The following FAM47E variants were observed in gnomAD, a reference collection of about 807,000 sequenced individuals.
FAM47E encodes the protein family with sequence similarity 47 member E, also known as protein FAM47E.
A neutral mutation model predicts 41.6 loss-of-function variants in FAM47E; 32 were observed. The ratio of observed to expected loss-of-function variants is 0.77; its 90% CI spans 0.58 to 1.03. FAM47E has a LOEUF of 1.03. Among genes scored for constraint, FAM47E ranks in the 50% least tolerant of loss-of-function variants. The probability of loss-of-function intolerance (pLI) is 0.00; values close to 1 mark genes in which losing one functional copy is unlikely to be tolerated. For synonymous variants in FAM47E, 184 were observed against 188.7 expected, an observed-to-expected ratio of 0.98 and a Z score of 0.20; for missense variants, 424 against 485.4, an observed-to-expected ratio of 0.87 and a Z score of 1.19.
rs147055459 is a variant in FAM47E at position 76,252,246 on chromosome 4, G to T, written c.74+426G>T. Among the ~76,000 whole-genome samples, 39 of 152,188 alleles carry T rather than the reference G, an allele frequency of 2.6e-4. No homozygotes were observed. In the East Asian group the frequency reaches 6.6e-3, roughly 26 times the overall value. On this transcript the variant is annotated intron_variant, in intron 1 of 7. Transcript: ENST00000424749. The stretch of plus-strand genomic sequence containing the variant: ...CTGCCCCTGGAGCCTTTGGTATCCA[G>T]ATGGCGGCTGTGGCCAAGTGGAGCC...
intron 7 of FAM47E, chr4:76,281,537 C>T (rs980509286): frequency 3.3e-5 from 5 of 151,580 alleles, no homozygotes; most frequent in African/African-American, 9.7e-5. Flanking sequence ...TATGTGTTTA[C>T]GAGTCCATAT....
At chr4:76,222,238 T>C (rs957096382) in intron 2 of FAM47E, among the ~76,000 whole-genome samples, 1 of 152,034 alleles carries the variant, frequency 6.6e-6, no homozygotes, top group Non-Finnish European at 1.5e-5. Context: ...TTTTTTTTTT[T>C]TTTTCTGAGA....
chr4:76,255,865 T>C (rs766762603), intron 1 of FAM47E, among the ~76,000 whole-genome samples: 1 of 152,156 alleles, frequency 6.6e-6, no homozygotes, highest in Non-Finnish European at 1.5e-5. Context: ...TTCAAGGATG[T>C]GTACAAACAA....
intron 1 of FAM47E, chr4:76,214,436 C>T: frequency 2.5e-6 from 1 of 397,214 alleles, no homozygotes; most frequent in Admixed American, 2.9e-5. Context: ...TGAGCAAAGG[C>T]ATTGGGGGTG....
At chr4:76,260,182 A>G (rs542960678) in intron 2 of FAM47E, among the ~76,000 whole-genome samples, 56 of 152,308 alleles carry the variant, frequency 3.7e-4, no homozygotes, top group African/African-American at 1.3e-3. Context: ...AAAATTACCA[A>G]CATAATTTTT....
At chr4:76,254,898 A>G (rs1734124348) in intron 1 of FAM47E, among the ~76,000 whole-genome samples, 1 of 152,152 alleles carries the variant, frequency 6.6e-6, no homozygotes, top group South Asian at 2.1e-4. Flanking sequence ...TGTCTCTTCC[A>G]TCTCATCTAT....
At chr4:76,226,710 C>A (rs1733404851) in intron 2 of FAM47E, among the ~76,000 whole-genome samples, 1 of 152,184 alleles carries the variant, frequency 6.6e-6, no homozygotes, top group African/African-American at 2.4e-5. Flanking sequence ...CTGCTTGTTA[C>A]TGGTCTGTTC....
chr4:76,228,099 T>TTC (rs58830303), intron 2 of FAM47E, among the ~76,000 whole-genome samples: 1 of 151,578 alleles, frequency 6.6e-6, no homozygotes, highest in Non-Finnish European at 1.5e-5. Context: ...CCTTTTTTTT[T>TTC]CATTGTGTTG....
intron 7 of FAM47E, 120 bp from the exon 8 acceptor site, chr4:76,283,261 G>A (rs1735433665): frequency 1.6e-6 from 1 of 614,880 alleles, no homozygotes; most frequent in African/African-American, 1.9e-5. Context: ...ATTTTGCATA[G>A]TGTAAGGATA....
chr4:76,255,574 G>C (rs970490965), intron 1 of FAM47E, among the ~76,000 whole-genome samples: 1 of 152,176 alleles, frequency 6.6e-6, no homozygotes, highest in Non-Finnish European at 1.5e-5. Flanking sequence ...CATTCAGCTA[G>C]TTAGGGGCTG....
At chr4:76,276,954 G>A (rs1340859645) in intron 5 of FAM47E, among the ~76,000 whole-genome samples, 1 of 152,130 alleles carries the variant, frequency 6.6e-6, no homozygotes, top group African/African-American at 2.4e-5. Context: ...CACACATTCT[G>A]CCACATAGTT....
At chr4:76,244,047 C>T (rs1733767442) in intron 2 of FAM47E, among the ~76,000 whole-genome samples, 1 of 152,200 alleles carries the variant, frequency 6.6e-6, no homozygotes, top group South Asian at 2.1e-4. Flanking sequence ...CCAGCTTCAT[C>T]CATGTCCCTG....
At chr4:76,246,611 T>G (rs1185270520) in intron 2 of FAM47E, among the ~76,000 whole-genome samples, 1 of 152,126 alleles carries the variant, frequency 6.6e-6, no homozygotes, top group Non-Finnish European at 1.5e-5. Context: ...ATTTTACATA[T>G]GTACTAACAT....
chr4:76,234,770 G>A (rs569295723), intron 2 of FAM47E, among the ~76,000 whole-genome samples: 11 of 152,220 alleles, frequency 7.2e-5, no homozygotes, highest in East Asian at 1.9e-4. Context: ...AATGTTAGCC[G>A]GCCATGGCGG....
At chr4:76,262,533 T>C (rs1734463164) in intron 2 of FAM47E, among the ~76,000 whole-genome samples, 1 of 152,208 alleles carries the variant, frequency 6.6e-6, no homozygotes, top group Admixed American at 6.5e-5. Flanking sequence ...AAGACTTTTA[T>C]AGAGCTCTAA....
At chr4:76,269,621 A>T (rs148664307) in intron 4 of FAM47E, 10 of 150,862 alleles carry the variant, frequency 6.6e-5, no homozygotes, top group South Asian at 2.1e-4. Context: ...GTCTTAAAAA[A>T]ATATAAATAA....
chr4:76,229,983 C>T (rs1733465628), intron 2 of FAM47E, among the ~76,000 whole-genome samples: 1 of 152,262 alleles, frequency 6.6e-6, no homozygotes. Context: ...GGAGGTGGTG[C>T]TTTCAAGAGA....
At chr4:76,280,461 C>T in intron 7 of FAM47E, 120 bp downstream of exon 7, 1 of 541,562 alleles carries the variant, frequency 1.8e-6, no homozygotes, top group Non-Finnish European at 3.3e-6. Context: ...CATACCAAGA[C>T]AGGCCCCTGG....
intron 2 of FAM47E, among the ~76,000 whole-genome samples, chr4:76,260,869 A>G (rs1442210470): frequency 1.3e-5 from 2 of 152,146 alleles, no homozygotes; most frequent in African/African-American, 2.4e-5. Context: ...TTCAACAAGA[A>G]AAAACAATTC....
Sources: allele counts gnomAD v4.1 joint callset (sites outside exome capture counted in the v4.1 genomes callset), GRCh38; gene constraint gnomAD v4.1.1; transcripts MANE v1.5; gene names NCBI Gene and HGNC (gene_info 2026-07-23, HGNC 2026-07-21).